LMO7: variants seen among roughly 807,000 people sequenced by gnomAD.
The protein encoded by LMO7 is LIM domain 7.
A neutral mutation model predicts 206.5 loss-of-function variants in LMO7; 120 were observed. That is an observed-to-expected ratio of 0.58 (90% CI 0.50 to 0.68). The LOEUF (loss-of-function observed/expected upper bound fraction) is 0.68. Ranked by LOEUF, LMO7 falls within the 30% of genes least tolerant of loss-of-function variation. The pLI is 0.00. For missense variants in LMO7, 1,959 were observed against 1,957.9 expected (o/e 1.00, Z -0.01); for synonymous variants, 706 against 681.5 (o/e 1.04, Z -0.56).
chr13:75,754,041 A>G (rs1326730548), intron 3 of LMO7, among the ~76,000 whole-genome samples: 3 of 152,262 alleles, frequency 2.0e-5, no homozygotes, highest in Non-Finnish European at 2.9e-5. Flanking sequence ...TGAAATTCAC[A>G]TAACATAAAG....
At chr13:75,697,055 T>G (rs2041959371) in intron 1 of LMO7, among the ~76,000 whole-genome samples, 1 of 152,168 alleles carries the variant, frequency 6.6e-6, no homozygotes, top group African/African-American at 2.4e-5. Context: ...GCCTGTGGGC[T>G]GTGATATCTT....
At chr13:75,802,621 T>C (rs2054902239) in intron 7 of LMO7, among the ~76,000 whole-genome samples, 1 of 152,200 alleles carries the variant, frequency 6.6e-6, no homozygotes, top group Admixed American at 6.5e-5. Context: ...CACCTGTCCA[T>C]GTAACCAAAA....
At position 75,842,880 on chromosome 13, in the gene LMO7, C is replaced by T. The variant is rs1018657698; in HGVS notation, c.4061C>T (p.Thr1354Ile). ...GTTGATTCCTATGATATACCAAAGA[C>T]AGAAGAAGCATCTTCAGGTTTTCTT... ...RPVDSYDIPK[T>I]EEASSGFLPG... The change falls in exon 25 of 31, where the codon ACA becomes ATA. Residue 1354 changes from threonine to isoleucine, a missense_variant. Thr to Ile is a moderately conservative substitution (Grantham distance 89). Coordinates refer to ENST00000377534, the MANE Select transcript of LMO7 (RefSeq NM_001306080.2). The T allele has an allele frequency of 5.6e-6, 9 of 1,608,104 alleles. No individual in the cohort carries two copies. The Admixed American group carries it at 1.2e-4, about 21-fold the overall frequency.
In LMO7 at chr13:75,766,451, G is replaced by T. The variant is rs561151722; in HGVS notation, c.317+5413G>T. Among the ~76,000 whole-genome samples the T allele has an allele frequency of 1.4e-4, 21 of 152,090 alleles. No individual in the cohort carries two copies. The South Asian group carries it at 4.4e-3, about 32-fold the overall frequency. ...AAGAGGAAATTTTGGTTTTAGGGAA[G>T]TCATGACTTGTTTGTTATATAATGA... On this transcript the variant is annotated intron_variant, in intron 4 of 30. Coordinates refer to ENST00000377534, the MANE Select transcript of LMO7 (RefSeq NM_001306080.2).
At chr13:75,745,223 G>A (rs1405747914) in intron 3 of LMO7, among the ~76,000 whole-genome samples, 1 of 152,130 alleles carries the variant, frequency 6.6e-6, no homozygotes, top group East Asian at 1.9e-4. Flanking sequence ...ATGAGAAGAA[G>A]TAGTCAAGTG....
rs1406939347 is a variant in LMO7, at chr13:75,727,068, C to G, written c.180C>G (p.Ile60Met). The G allele has an allele frequency of 5.0e-6, 8 of 1,589,112 alleles. No individual in the cohort carries two copies. The highest frequency in any genetic ancestry group is 2.2e-5 in the East Asian group (1 of 44,630). ...TTAAACCTGGCGTCATTAAGAAGAT[C>G]AATAGACTGTCTACACCAATAGCAG... Reference protein sequence around the residue: ...NKLKPGVIKKINRLSTPIAGL... With the variant: ...NKLKPGVIKKMNRLSTPIAGL... The change falls in exon 3 of 31, where the codon ATC becomes ATG. Residue 60 changes from isoleucine (I) to methionine (M), a missense_variant. Transcript: ENST00000377534.
intron 3 of LMO7, among the ~76,000 whole-genome samples, chr13:75,756,423 GA>G (rs1187054044): frequency 6.6e-6 from 1 of 152,136 alleles, no homozygotes; most frequent in African/African-American, 2.4e-5. Context: ...GAAGTAGATT[GA>G]AAAACCTACA....
chr13:75,788,636 C>T (rs1429543146), intron 4 of LMO7, among the ~76,000 whole-genome samples: 1 of 152,006 alleles, frequency 6.6e-6, no homozygotes, highest in African/African-American at 2.4e-5. Context: ...TCATGATTCA[C>T]GGCCTCATTT....
At chr13:75,835,185 T>C (rs1168401047) in intron 17 of LMO7, 48 bp from the exon 18 acceptor site, 1 of 1,605,366 alleles carries the variant, frequency 6.2e-7, no homozygotes, top group Non-Finnish European at 8.5e-7. Flanking sequence ...CTGCCATTTA[T>C]ACGGCATAAA....
At chr13:75,699,494 C>T (rs903490219) in intron 1 of LMO7, among the ~76,000 whole-genome samples, 11 of 151,220 alleles carry the variant, frequency 7.3e-5, no homozygotes, top group Non-Finnish European at 1.2e-4. Flanking sequence ...AAGTGTCGGC[C>T]GGTCTGAGAA....
At chr13:75,667,591 G>T (rs2039185010) in intron 1 of LMO7, among the ~76,000 whole-genome samples, 1 of 151,920 alleles carries the variant, frequency 6.6e-6, no homozygotes, top group Non-Finnish European at 1.5e-5. Context: ...TTCAGTTCTT[G>T]GGTTTGGTTC....
intron 4 of LMO7, among the ~76,000 whole-genome samples, chr13:75,767,913 ATTAT>A (rs1210653682): frequency 2.0e-5 from 3 of 152,064 alleles, no homozygotes; most frequent in East Asian, 3.9e-4. Flanking sequence ...ATGGCAAATA[ATTAT>A]TTATTGCTTG....
intron 7 of LMO7, among the ~76,000 whole-genome samples, chr13:75,802,943 T>G (rs1401715914): frequency 6.6e-6 from 1 of 152,164 alleles, no homozygotes; most frequent in African/African-American, 2.4e-5. Context: ...GGGAAAAAAT[T>G]CTCTGCAGGA....
chr13:75,766,672 A>G (rs956680061), intron 4 of LMO7, among the ~76,000 whole-genome samples: 1 of 151,880 alleles, frequency 6.6e-6, no homozygotes, highest in East Asian at 1.9e-4. Flanking sequence ...CAGGAAACTC[A>G]TCTAATTGGA....
At chr13:75,636,278 G>A, upstream of LMO7, 1 of 1,061,820 alleles carries the variant, frequency 9.4e-7, no homozygotes. Flanking sequence ...GGGTGGGCCG[G>A]GGCGGGGCCA....
intron 15 of LMO7, among the ~76,000 whole-genome samples, chr13:75,825,953 AC>A (rs1294725487): frequency 1.3e-5 from 2 of 151,914 alleles, no homozygotes; most frequent in African/African-American, 4.8e-5. Context: ...CATACCTTGG[AC>A]TTTTGCTGGC....
At chr13:75,679,091 C>G (rs997765455) in intron 1 of LMO7, among the ~76,000 whole-genome samples, 1 of 152,072 alleles carries the variant, frequency 6.6e-6, no homozygotes, top group African/African-American at 2.4e-5. Flanking sequence ...ATTGTTTTTT[C>G]CCCCCTTTCT....
intron 9 of LMO7, chr13:75,806,292 C>G: frequency 1.0e-6 from 1 of 972,178 alleles, no homozygotes; most frequent in Non-Finnish European, 1.2e-6. Context: ...CTGCCTGCTG[C>G]GGGTCTGGCC....
At chr13:75,668,097 A>C (rs2039231754) in intron 1 of LMO7, among the ~76,000 whole-genome samples, 1 of 152,188 alleles carries the variant, frequency 6.6e-6, no homozygotes. Flanking sequence ...AATTCTAGCT[A>C]CTTGGGAGGC....
Sources: allele counts gnomAD v4.1 joint callset (sites outside exome capture counted in the v4.1 genomes callset), GRCh38; gene constraint gnomAD v4.1.1; transcripts MANE v1.5; gene names NCBI Gene and HGNC (gene_info 2026-07-23, HGNC 2026-07-21).